The following CIAO1 variants were observed in gnomAD, a reference collection of about 807,000 sequenced individuals.
CIAO1 encodes cytosolic iron-sulfur assembly component 1.
A neutral mutation model predicts 43.1 loss-of-function variants in CIAO1; 32 were observed. The observed-to-expected ratio is 0.74, with a 90% CI of 0.56 to 1.00. The LOEUF is 1.00. CIAO1 is among the 50% of genes least tolerant of loss of function. CIAO1 has a pLI of 0.00. For synonymous variants in CIAO1, 183 were observed against 171.4 expected (o/e 1.07, Z -0.53); for missense variants, 415 against 437.4 (o/e 0.95, Z 0.46).
At position 96,271,560 on chromosome 2, in the gene CIAO1, G is replaced by A. The variant is rs1453947405; in HGVS notation, c.*209G>A. On this transcript the variant is annotated 3_prime_UTR_variant, in exon 7 of 7. Transcript: ENST00000488633. ...TTCAGTAAAGAGCTACAGAACATGA[G>A]TACATTGTTATACCACAGATTTTTC... The A allele has an allele frequency of 5.2e-6, 3 of 580,898 alleles. No homozygotes were observed. Among genetic ancestry groups the A allele is most frequent in the South Asian group, 2.1e-5 (1 of 47,052 alleles). The allele number at this position is 580,898 out of a possible 1,614,324, so 36.0% of individuals were successfully genotyped here. A position where few individuals can be genotyped will look rare whatever the true frequency, so the allele number is the denominator to read the frequency against.
In CIAO1 at chr2:96,267,832, A is replaced by C; in HGVS notation, c.401-4A>C. 6.2e-7 allele frequency: 1 copy of C among 1,613,806 alleles called. No individual in the cohort carries two copies. Among genetic ancestry groups the C allele is most frequent in the Non-Finnish European group, 8.5e-7 (1 of 1,179,812 alleles). Reference sequence around the variant, plus strand: ...CTCTTGGGTCCCCTTTTTCTCTCCCACAGTTGATGAAGAGGATGAGTATGA... The same window carrying C: ...CTCTTGGGTCCCCTTTTTCTCTCCCCCAGTTGATGAAGAGGATGAGTATGA... On this transcript the variant is annotated splice_polypyrimidine_tract_variant and splice_region_variant and intron_variant, in intron 3 of 6. Transcript: ENST00000488633.
chr2:96,274,140 A>G lies in CIAO1; in HGVS notation c.*2789A>G, dbSNP rs1684609582. 6.6e-6 allele frequency among the ~76,000 whole-genome samples: 1 copy of G among 151,180 alleles called. No homozygotes were observed. On this transcript the variant is annotated 3_prime_UTR_variant, in exon 7 of 7. Transcript: ENST00000488633. The stretch of plus-strand genomic sequence containing the variant: ...GGGGCAACCTCCAGAACTGTGAAAA[A>G]TAAATTTGTTATTTAAAAAGAAAAA...
Position 96,272,926 on chromosome 2 carries a change from C to CA in CIAO1, c.*1576dup, listed in dbSNP as rs1179325263. The stretch of plus-strand genomic sequence containing the variant: ...TGGGTGCCTTGAGGAAAAGCAGTTA[C>CA]ACAGTTGAGTTGCAAGCTGAATTGG... On this transcript the variant is annotated 3_prime_UTR_variant, in exon 7 of 7. Coordinates refer to ENST00000488633, the MANE Select transcript of CIAO1 (RefSeq NM_004804.3). 1 of 152,194 alleles carries CA rather than the reference C, an allele frequency of 6.6e-6. No individual in the cohort carries two copies. Among genetic ancestry groups the CA allele is most frequent in the Non-Finnish European group, 1.5e-5 (1 of 68,036 alleles). The allele number at this position is 152,194 out of a possible 1,614,324, so 9.4% of individuals were successfully genotyped here. A position where few individuals can be genotyped will look rare whatever the true frequency, so the allele number is the denominator to read the frequency against.
rs1684544706 is a variant in CIAO1, at chr2:96,271,272, A to G, written c.941A>G (p.Lys314Arg). 6.2e-7 allele frequency: 1 copy of G among 1,614,148 alleles called. No homozygotes were observed. The highest frequency in any genetic ancestry group is 1.3e-5 in the African/African-American group (1 of 74,952). Residue 314 changes from lysine (K) to arginine (R), a missense_variant, in exon 7 of 7, where the codon AAG becomes AGG. Coordinates refer to ENST00000488633, the MANE Select transcript of CIAO1 (RefSeq NM_004804.3). ...GTCAACTGTGTGGCCTGGAACCCCA[A>G]GGAGCCAGGGCTACTGGCCTCCTGC... ...QDVNCVAWNPKEPGLLASCSD... is the reference protein window; with the variant it reads ...QDVNCVAWNPREPGLLASCSD...
intron 3 of CIAO1, 23 bp from the exon 4 acceptor site, chr2:96,267,813 G>T (rs1057394004): frequency 6.2e-7 from 1 of 1,613,370 alleles, no homozygotes; most frequent in African/African-American, 1.3e-5. Flanking sequence ...TCGGCTCTTG[G>T]GTCCCCTTTT....
chr2:96,268,724 G>GTAC (rs1420435018), intron 5 of CIAO1, 66 bp downstream of exon 5: 1 of 1,516,340 alleles, frequency 6.6e-7, no homozygotes, highest in Admixed American at 1.7e-5. Flanking sequence ...GCTAAGACAC[G>GTAC]TACATGAGTC....
rs1684581381 is a variant in CIAO1, at chr2:96,272,899, TA to T, written c.*1549del. ...AAAGCCCCTCTGCTGTGCACTGAAG[TA>T]TGGGTGCCTTGAGGAAAAGCAGTTA... On this transcript the variant is annotated 3_prime_UTR_variant, in exon 7 of 7. Coordinates refer to ENST00000488633, the MANE Select transcript of CIAO1 (RefSeq NM_004804.3). 1 of 152,196 alleles carries T rather than the reference TA, an allele frequency of 6.6e-6. No individual in the cohort carries two copies. The allele number at this position is 152,196 out of a possible 1,614,324, so 9.4% of individuals were successfully genotyped here.
Position 96,271,947 on chromosome 2 carries a change from A to G in CIAO1, c.*596A>G, listed in dbSNP as rs929617415. The G allele has an allele frequency of 6.6e-6, 1 of 152,130 alleles. No homozygotes were observed. The highest frequency in any genetic ancestry group is 2.4e-5 in the African/African-American group (1 of 41,378). 9.4% of individuals were successfully genotyped at this position (152,130 alleles called of 1,614,324 possible). A position where few individuals can be genotyped will look rare whatever the true frequency, so the allele number is the denominator to read the frequency against. On this transcript the variant is annotated 3_prime_UTR_variant, in exon 7 of 7. Coordinates refer to ENST00000488633, the MANE Select transcript of CIAO1 (RefSeq NM_004804.3). ...ACGCTGTGATGGCAACTGGGGATAG[A>G]AAAAAAATGGGGAAAGACAGGAATC...
chr2:96,269,851 T>C (rs1018096865), intron 6 of CIAO1, among the ~76,000 whole-genome samples: 1 of 152,034 alleles, frequency 6.6e-6, no homozygotes, highest in Non-Finnish European at 1.5e-5. Context: ...TTCACCGCGT[T>C]AGCCAGGATG....
chr2:96,270,809 C>CAA (rs531540380), intron 6 of CIAO1, among the ~76,000 whole-genome samples: 154 of 53,634 alleles, frequency 2.9e-3, no homozygotes, highest in African/African-American at 7.5e-3. Context: ...GACTCCATCT[C>CAA]AAAAAAAAAA....
chr2:96,271,210 CCT>C lies in CIAO1; in HGVS notation c.880_881del (p.Leu294AspfsTer30). On this transcript the variant is annotated frameshift_variant, in exon 7 of 7. Transcript: ENST00000488633. LOFTEE classifies it high-confidence loss of function. ...NSDPQQPTFS[L>X]TAHLHQAHSQ... ...CGGATCCACAGCAGCCCACCTTCTC[CCT>C]GACAGCCCACTTGCATCAGGCCCAT... is the stretch of plus-strand genomic sequence containing the variant. 1 of 1,614,276 alleles carries C rather than the reference CCT, an allele frequency of 6.2e-7. No individual in the cohort carries two copies. Among genetic ancestry groups the C allele is most frequent in the Non-Finnish European group, 8.5e-7 (1 of 1,180,054 alleles).
intron 5 of CIAO1, 86 bp downstream of exon 5, chr2:96,268,744 G>T: frequency 7.4e-7 from 1 of 1,347,504 alleles, no homozygotes; most frequent in Non-Finnish European, 1.1e-6. Context: ...CAGAGCAAAT[G>T]GGGGTAAAAG....
Position 96,273,523 on chromosome 2 carries a change from G to A in CIAO1, c.*2172G>A, listed in dbSNP as rs369027907. ...CTAAAATTACAAAAATTAGCCGGGCGTGGTGGCAGATCCCTTGTAGTCCCA... is the reference window on the plus strand; with the variant it reads ...CTAAAATTACAAAAATTAGCCGGGCATGGTGGCAGATCCCTTGTAGTCCCA... On this transcript the variant is annotated 3_prime_UTR_variant, in exon 7 of 7. Coordinates refer to ENST00000488633, the MANE Select transcript of CIAO1 (RefSeq NM_004804.3). 1.3e-3 allele frequency among the ~76,000 whole-genome samples: 193 copies of A among 152,118 alleles called. No individual in the cohort carries two copies. The South Asian group carries it at 0.017, about 14-fold the overall frequency.
At position 96,270,789 on chromosome 2, in the gene CIAO1, G is replaced by A. The variant is rs1195578885; in HGVS notation, c.780-322G>A. On this transcript the variant is annotated intron_variant, in intron 6 of 6. Transcript: ENST00000488633. The stretch of plus-strand genomic sequence containing the variant: ...TGTGCCACTGCACTCCAGCCTGGGC[G>A]ACACAGCAAGACTCCATCTCAAAAA... Among the ~76,000 whole-genome samples, 16 of 127,872 alleles carry A rather than the reference G, an allele frequency of 1.3e-4. No individual in the cohort carries two copies. In the East Asian group the frequency reaches 1.5e-3, roughly 12 times the overall value. The allele number at this position is 127,872 out of a possible 152,430, so 83.9% of individuals were successfully genotyped here.
At position 96,273,887 on chromosome 2, in the gene CIAO1, A is replaced by C. The variant is rs1684604012; in HGVS notation, c.*2536A>C. On this transcript the variant is annotated 3_prime_UTR_variant, in exon 7 of 7. Transcript: ENST00000488633. ...TGTAAAATGCCACCCTTCTCCTTGG[A>C]TTGTTTTGGAAGTTATTCTTCATAA... 6.6e-6 allele frequency among the ~76,000 whole-genome samples: 1 copy of C among 151,552 alleles called. No individual in the cohort carries two copies.
chr2:96,270,512 A>G (rs1038812804), intron 6 of CIAO1, among the ~76,000 whole-genome samples: 4 of 151,026 alleles, frequency 2.6e-5, no homozygotes, highest in African/African-American at 4.9e-5. Context: ...AGAAAAAAAA[A>G]AAAAACTTTA....
chr2:96,268,556 G>C lies in CIAO1; in HGVS notation c.589G>C (p.Val197Leu). Residue 197 changes from valine to leucine, a missense_variant, in exon 5 of 7, where the codon GTG becomes CTG. Transcript: ENST00000488633. ...CATLEGHESTVWSLAFDPSGQ... is the reference protein window; with the variant it reads ...CATLEGHESTLWSLAFDPSGQ... ...CACCCTTGAGGGCCATGAATCCACT[G>C]TGTGGAGCTTGGCCTTTGACCCGAG... The C allele has an allele frequency of 6.2e-7, 1 of 1,614,218 alleles. No individual in the cohort carries two copies. Among genetic ancestry groups the C allele is most frequent in the Non-Finnish European group, 8.5e-7 (1 of 1,180,020 alleles).
Position 96,268,491 on chromosome 2 carries a change from A to G in CIAO1, c.524A>G (p.Lys175Arg), listed in dbSNP as rs1206179971. 1 of 1,614,224 alleles carries G rather than the reference A, an allele frequency of 6.2e-7. No individual in the cohort carries two copies. The highest frequency in any genetic ancestry group is 1.1e-5 in the South Asian group (1 of 91,082). ...TCTGCCAGCTATGATGACACAGTGAAGCTGTACCGGGAGGAAGAGGATGAC... is the reference window on the plus strand; with the variant it reads ...TCTGCCAGCTATGATGACACAGTGAGGCTGTACCGGGAGGAAGAGGATGAC... ...LASASYDDTV[K>R]LYREEEDDWV... is the part of the protein sequence containing the mutation. Residue 175 changes from lysine to arginine, a missense_variant, in exon 5 of 7, where the codon AAG becomes AGG. Lys to Arg is a conservative substitution (Grantham distance 26, BLOSUM62 2). Coordinates refer to ENST00000488633, the MANE Select transcript of CIAO1 (RefSeq NM_004804.3).
At position 96,271,356 on chromosome 2, in the gene CIAO1, C is replaced by T. The variant is rs369770870; in HGVS notation, c.*5C>T. 23 of 1,613,254 alleles carry T rather than the reference C, an allele frequency of 1.4e-5. No homozygotes were observed. Among genetic ancestry groups the T allele is most frequent in the Non-Finnish European group, 1.8e-5 (21 of 1,179,880 alleles). On this transcript the variant is annotated 3_prime_UTR_variant, in exon 7 of 7. Coordinates refer to ENST00000488633, the MANE Select transcript of CIAO1 (RefSeq NM_004804.3). ...CAGCGGCCTGAAGGCCTCTGAGCTA[C>T]CTCGACTTTGGACAGAGTAATGACT...
Sources: gnomAD v4.1 joint callset for allele counts (sites outside exome capture counted in the v4.1 genomes callset) on GRCh38, gnomAD v4.1.1 for gene constraint, MANE v1.5 for transcripts, NCBI Gene and HGNC (gene_info 2026-07-23, HGNC 2026-07-21) for gene names.